The following PDE11A variants were observed in gnomAD, a reference collection of about 807,000 sequenced individuals.
PDE11A encodes phosphodiesterase 11A.
In PDE11A, 100 loss-of-function variants were observed where a neutral mutation model predicts 100.5. The ratio of observed to expected loss-of-function variants is 1.00; its 90% CI spans 0.85 to 1.18. The LOEUF is 1.18. Among genes scored for constraint, PDE11A ranks in the 50% most tolerant of loss-of-function variants. The pLI, the probability that PDE11A is intolerant of heterozygous loss-of-function variation, is 0.00. For missense variants in PDE11A, 1,141 were observed against 1,152.6 expected (o/e 0.99, Z 0.15); for synonymous variants, 381 against 420.8 (o/e 0.91, Z 1.16).
intron 2 of PDE11A, among the ~76,000 whole-genome samples, chr2:177,948,821 G>GA (rs1322707979): frequency 6.6e-6 from 1 of 152,146 alleles, no homozygotes; most frequent in Non-Finnish European, 1.5e-5. Flanking sequence ...AGGTAGGGGG[G>GA]ATTGCTTGAG....
chr2:177,658,005 A>C (rs999457683), intron 19 of PDE11A, among the ~76,000 whole-genome samples: 3 of 152,190 alleles, frequency 2.0e-5, no homozygotes, highest in African/African-American at 7.2e-5. Context: ...GGCTGCCACA[A>C]GGACCACAGA....
At chr2:177,728,234 C>A in intron 10 of PDE11A, 62 bp from the exon 11 acceptor site, 1 of 1,425,730 alleles carries the variant, frequency 7.0e-7, no homozygotes, top group South Asian at 1.1e-5. Flanking sequence ...CCCCATCCTG[C>A]TCTCCTCCCC....
At chr2:177,928,695 A>T (rs1250957063) in intron 2 of PDE11A, among the ~76,000 whole-genome samples, 2 of 152,130 alleles carry the variant, frequency 1.3e-5, no homozygotes, top group Admixed American at 6.5e-5. Context: ...AGGACTGCTT[A>T]AAAAAATTCT....
At chr2:178,036,077 T>A (rs1380680614) in intron 1 of PDE11A, among the ~76,000 whole-genome samples, 1 of 152,184 alleles carries the variant, frequency 6.6e-6, no homozygotes, top group Non-Finnish European at 1.5e-5. Flanking sequence ...AGAGAGGAAG[T>A]CAAATTGTCT....
chr2:177,675,568 C>A, intron 16 of PDE11A, 50 bp from the exon 17 acceptor site: 1 of 1,306,238 alleles, frequency 7.7e-7, no homozygotes, highest in South Asian at 1.2e-5. Context: ...TTGTTGCATT[C>A]CTAAACAAAC....
At chr2:177,954,850 C>G (rs1044599934) in intron 2 of PDE11A, among the ~76,000 whole-genome samples, 1 of 152,052 alleles carries the variant, frequency 6.6e-6, no homozygotes, top group African/African-American at 2.4e-5. Flanking sequence ...AATATGCAGC[C>G]AGGGTTGAGG....
chr2:178,073,320 C>A (rs1014765101), upstream of PDE11A, among the ~76,000 whole-genome samples: 1 of 152,196 alleles, frequency 6.6e-6, no homozygotes. Context: ...TGGCATTTCC[C>A]CGAAAATAGC....
chr2:178,023,614 C>T (rs2086441250), intron 1 of PDE11A, among the ~76,000 whole-genome samples: 2 of 152,184 alleles, frequency 1.3e-5, no homozygotes, highest in East Asian at 3.9e-4. Flanking sequence ...AAACCAGAAT[C>T]TTGAATCTAC....
intron 16 of PDE11A, among the ~76,000 whole-genome samples, chr2:177,676,949 T>C (rs1215029273): frequency 6.6e-6 from 1 of 152,176 alleles, no homozygotes; most frequent in East Asian, 1.9e-4. Flanking sequence ...TCTGTGCCTA[T>C]CACAAAGCTA....
intron 1 of PDE11A, among the ~76,000 whole-genome samples, chr2:178,050,017 G>A (rs6741812): frequency 0.53 from 81,185 of 151,834 alleles, 22,014 homozygotes; most frequent in East Asian, 0.71. Context: ...CTCCCAGCAC[G>A]GAGTTTGAGA....
intron 2 of PDE11A, among the ~76,000 whole-genome samples, chr2:177,956,568 C>A (rs1408762445): frequency 6.6e-6 from 1 of 152,092 alleles, no homozygotes; most frequent in East Asian, 1.9e-4. Context: ...GGGTATATAC[C>A]CAAAGGATTA....
chr2:177,751,305 AAGGG>A (rs2082022586), intron 10 of PDE11A, among the ~76,000 whole-genome samples: 1 of 152,104 alleles, frequency 6.6e-6, no homozygotes, highest in South Asian at 2.1e-4. Flanking sequence ...TTTCAGCAGG[AAGGG>A]ACAGGCTGCC....
intron 1 of PDE11A, among the ~76,000 whole-genome samples, chr2:178,065,841 C>T (rs1207476302): frequency 6.6e-6 from 1 of 151,894 alleles, no homozygotes; most frequent in Non-Finnish European, 1.5e-5. Flanking sequence ...TTCTAGACAC[C>T]CAAAATTAAT....
chr2:177,642,989 C>T (rs1217232806), intron 19 of PDE11A, among the ~76,000 whole-genome samples: 6 of 152,188 alleles, frequency 3.9e-5, no homozygotes, highest in African/African-American at 1.4e-4. Context: ...ACTTCCTCCT[C>T]CTTGTCTTCC....
rs201184469 is a variant in PDE11A, at chr2:178,051,081, A to G, written c.912+20445T>C. ...CAGATTCACCAAAGTTGAAATGAAGAAAAAATGCTAAGGGCAGCCAGAGAG... is the reference window on the plus strand; with the variant it reads ...CAGATTCACCAAAGTTGAAATGAAGGAAAAATGCTAAGGGCAGCCAGAGAG... On this transcript the variant is annotated intron_variant, in intron 1 of 19. Transcript: ENST00000286063. 1.5e-4 allele frequency among the ~76,000 whole-genome samples: 18 copies of G among 123,018 alleles called. No individual in the cohort carries two copies. The East Asian group carries it at 4.0e-3, about 27-fold the overall frequency. The allele number at this position is 123,018 out of a possible 152,430, so 80.7% of individuals were successfully genotyped here. A position where few individuals can be genotyped will look rare whatever the true frequency, so the allele number is the denominator to read the frequency against.
intron 10 of PDE11A, among the ~76,000 whole-genome samples, chr2:177,731,204 A>G (rs2081683724): frequency 6.6e-6 from 1 of 152,156 alleles, no homozygotes; most frequent in Non-Finnish European, 1.5e-5. Flanking sequence ...TGTCTTCATC[A>G]GCCAACTTTC....
intron 19 of PDE11A, among the ~76,000 whole-genome samples, chr2:177,632,754 A>C (rs1470498131): frequency 2.6e-5 from 4 of 152,118 alleles, no homozygotes; most frequent in African/African-American, 9.7e-5. Context: ...AACATTTTGG[A>C]TGCCTACTAA....
At position 177,942,406 on chromosome 2, in the gene PDE11A, A is replaced by ATTTT. The variant is rs34568974; in HGVS notation, c.1072-37223_1072-37220dup. ...ATTGAAACCATTATTTTTTAAAATT[A>ATTTT]TTTTTTTTTTTTTGAGACAGAGTTT... is the stretch of plus-strand genomic sequence containing the variant. On this transcript the variant is annotated intron_variant, in intron 2 of 19. Transcript: ENST00000286063. Among the ~76,000 whole-genome samples the ATTTT allele has an allele frequency of 1.3e-3, 182 of 136,936 alleles. 1 individual carries two copies. Among genetic ancestry groups the ATTTT allele is most frequent in the Middle Eastern group, 0.012 (3 of 244 alleles). The allele number at this position is 136,936 out of a possible 152,430, so 89.8% of individuals were successfully genotyped here.
At chr2:177,813,315 T>C (rs1462042386) in intron 9 of PDE11A, among the ~76,000 whole-genome samples, 2 of 152,202 alleles carry the variant, frequency 1.3e-5, no homozygotes, top group South Asian at 2.1e-4. Context: ...ACATTACTAA[T>C]TGGTCTCTTG....
Sources: allele counts gnomAD v4.1 joint callset (sites outside exome capture counted in the v4.1 genomes callset), GRCh38; gene constraint gnomAD v4.1.1; transcripts MANE v1.5; gene names NCBI Gene and HGNC (gene_info 2026-07-23, HGNC 2026-07-21).